The following CENPK variants were observed in gnomAD, a reference collection of about 807,000 sequenced individuals.
The protein encoded by CENPK is SoxLZ/Sox6-binding protein Solt.
CENPK carries 46 observed loss-of-function variants against 40.9 expected under a neutral mutation model. That is an observed-to-expected ratio of 1.13 (90% CI 0.89 to 1.44). The LOEUF (loss-of-function observed/expected upper bound fraction) is 1.44. Among genes scored for constraint, CENPK ranks in the 40% most tolerant of loss-of-function variants. CENPK has a pLI of 0.00. For synonymous variants in CENPK, 107 were observed against 104.4 expected (o/e 1.02, Z -0.15); for missense variants, 288 against 303.5 (o/e 0.95, Z 0.38).
intron 9 of CENPK, among the ~76,000 whole-genome samples, chr5:65,521,820 C>T (rs773338035): frequency 9.2e-5 from 14 of 152,162 alleles, no homozygotes; most frequent in Non-Finnish European, 2.1e-4. Context: ...AGGCTGGTCT[C>T]GAGCTCCTGA....
intron 6 of CENPK, among the ~76,000 whole-genome samples, chr5:65,541,592 C>T (rs1262169060): frequency 6.6e-6 from 1 of 152,162 alleles, no homozygotes; most frequent in Non-Finnish European, 1.5e-5. Flanking sequence ...TGAGACCTAT[C>T]AAAATGGCCA....
intron 6 of CENPK, among the ~76,000 whole-genome samples, chr5:65,534,411 A>G (rs1746500037): frequency 6.6e-6 from 1 of 152,230 alleles, no homozygotes. Context: ...AACAATTTTG[A>G]AAAGAACAAC....
the CENPK span, among the ~76,000 whole-genome samples, chr5:65,502,994 TCA>T: frequency 6.6e-6 from 1 of 151,870 alleles, no homozygotes; most frequent in Non-Finnish European, 1.5e-5. Context: ...AGACAGGGTT[TCA>T]CCACATTGGC....
chr5:65,542,752 A>T, intron 6 of CENPK, 50 bp downstream of exon 6: 1 of 1,359,490 alleles, frequency 7.4e-7, no homozygotes, highest in Non-Finnish European at 1.0e-6. Flanking sequence ...TCTAAAATAG[A>T]TCTAGTTAGA....
downstream of CENPK, among the ~76,000 whole-genome samples, chr5:65,513,768 C>A (rs959168455): frequency 2.0e-5 from 3 of 152,176 alleles, no homozygotes; most frequent in East Asian, 1.9e-4. Context: ...AGGAATGATG[C>A]GATCTACTTG....
At chr5:65,517,480 A>T (rs1350650598), downstream of CENPK, among the ~76,000 whole-genome samples, 1 of 152,154 alleles carries the variant, frequency 6.6e-6, no homozygotes, top group Non-Finnish European at 1.5e-5. Context: ...CCTAAAATAT[A>T]ATAGTATTTG....
At chr5:65,508,728 G>A in the CENPK span, among the ~76,000 whole-genome samples, 41 of 149,072 alleles carry the variant, frequency 2.8e-4, no homozygotes, top group Non-Finnish European at 5.6e-4. Context: ...AGAGGTTACA[G>A]TGAGCGGAGA....
chr5:65,546,017 A>C (rs1748876726), intron 5 of CENPK, among the ~76,000 whole-genome samples: 1 of 152,194 alleles, frequency 6.6e-6, no homozygotes. Context: ...TTAACTCTCT[A>C]TATATGTATT....
At chr5:65,503,548 T>C in the CENPK span, among the ~76,000 whole-genome samples, 3 of 152,216 alleles carry the variant, frequency 2.0e-5, no homozygotes, top group African/African-American at 7.2e-5. Flanking sequence ...TCTAAAGATG[T>C]CTTCTTTTTC....
At chr5:65,527,595 T>C (rs1744959340) in intron 9 of CENPK, among the ~76,000 whole-genome samples, 1 of 146,168 alleles carries the variant, frequency 6.8e-6, no homozygotes, top group Non-Finnish European at 1.5e-5. Context: ...AAATATTTAT[T>C]TGCTTTTTCA....
chr5:65,557,277 T>C (rs1254364993), intron 2 of CENPK, among the ~76,000 whole-genome samples: 1 of 152,210 alleles, frequency 6.6e-6, no homozygotes, highest in African/African-American at 2.4e-5. Flanking sequence ...AGGAGCAAAC[T>C]GTTTTTTCTA....
chr5:65,535,911 G>A (rs1404147342), intron 6 of CENPK, among the ~76,000 whole-genome samples: 1 of 152,142 alleles, frequency 6.6e-6, no homozygotes, highest in Admixed American at 6.5e-5. Context: ...AGGATTACAG[G>A]GCGGGTAAAG....
At chr5:65,516,197 C>T (rs1019231103), downstream of CENPK, among the ~76,000 whole-genome samples, 6 of 152,298 alleles carry the variant, frequency 3.9e-5, no homozygotes, top group African/African-American at 1.4e-4. Context: ...ATGTATCTTT[C>T]TCCATCTCTG....
At chr5:65,542,687 A>C in intron 6 of CENPK, 115 bp downstream of exon 6, 1 of 734,648 alleles carries the variant, frequency 1.4e-6, no homozygotes, top group Non-Finnish European at 2.1e-6. Context: ...ATAAAAGCAG[A>C]AAATTTAATA....
chr5:65,515,859 A>G (rs1364065927), downstream of CENPK, among the ~76,000 whole-genome samples: 1 of 152,234 alleles, frequency 6.6e-6, no homozygotes, highest in Non-Finnish European at 1.5e-5. Context: ...ACAAAACACC[A>G]TACACTAGGT....
downstream of CENPK, among the ~76,000 whole-genome samples, chr5:65,516,073 T>C (rs1304791452): frequency 1.3e-5 from 2 of 152,198 alleles, no homozygotes; most frequent in African/African-American, 4.8e-5. Context: ...GGGTGCCACC[T>C]AACCTTAATA....
Position 65,517,956 on chromosome 5 carries a change from C to A in CENPK, c.*519G>T, listed in dbSNP as rs1213331032. The A allele has an allele frequency of 1.3e-5, 2 of 151,758 alleles. No individual in the cohort carries two copies. Among genetic ancestry groups the A allele is most frequent in the Admixed American group, 1.3e-4 (2 of 15,232 alleles). The allele number at this position is 151,758 out of a possible 1,614,324, so 9.4% of individuals were successfully genotyped here. A position where few individuals can be genotyped will look rare whatever the true frequency, so the allele number is the denominator to read the frequency against. ...CTTTATCCATTAGTTTTTCATATTC[C>A]AATTTTAAACAAATCTAGAAATAAG... is the stretch of plus-strand genomic sequence containing the variant. On this transcript the variant is annotated 3_prime_UTR_variant, in exon 11 of 11. Transcript: ENST00000396679.
At chr5:65,562,281 G>A (rs191037795) in intron 1 of CENPK, among the ~76,000 whole-genome samples, 1 of 152,258 alleles carries the variant, frequency 6.6e-6, no homozygotes, top group East Asian at 1.9e-4. Flanking sequence ...AGAGTAGGAG[G>A]CAAGAACGAA....
chr5:65,541,853 C>T lies in CENPK; in HGVS notation c.288+949G>A, dbSNP rs116962886. Among the ~76,000 whole-genome samples the T allele has an allele frequency of 1.1e-3, 167 of 152,286 alleles. 1 individual carries two copies. In the East Asian group the frequency reaches 0.013, roughly 11 times the overall value. On this transcript the variant is annotated intron_variant, in intron 6 of 10. Coordinates refer to ENST00000396679, the MANE Select transcript of CENPK (RefSeq NM_022145.5). Reference sequence around the variant, plus strand: ...TAGTACCACCTCCACTTCTCAGTGCCAACTTTCTGTCATAGTCCATTCAGT... The same window carrying T: ...TAGTACCACCTCCACTTCTCAGTGCTAACTTTCTGTCATAGTCCATTCAGT...
Sources: gnomAD v4.1 joint callset for allele counts (sites outside exome capture counted in the v4.1 genomes callset) on GRCh38, gnomAD v4.1.1 for gene constraint, MANE v1.5 for transcripts, NCBI Gene and HGNC (gene_info 2026-07-23, HGNC 2026-07-21) for gene names.